CCDC148: variants seen among roughly 807,000 people sequenced by gnomAD.
CCDC148 encodes coiled-coil domain containing 148.
CCDC148 carries 89 observed loss-of-function variants against 85.7 expected under a neutral mutation model. That is an observed-to-expected ratio of 1.04 (90% CI 0.87 to 1.24). The LOEUF (loss-of-function observed/expected upper bound fraction) is 1.24, where lower values mean the gene tolerates loss of function less well. Among genes scored for constraint, CCDC148 ranks in the 50% most tolerant of loss-of-function variants. CCDC148 has a pLI of 0.00. For missense variants in CCDC148, 692 were observed against 671.7 expected (o/e 1.03, Z -0.33); for synonymous variants, 230 against 213.9 (o/e 1.08, Z -0.66).
At chr2:158,436,465 A>G (rs570472165) in intron 1 of CCDC148, among the ~76,000 whole-genome samples, 1 of 152,336 alleles carries the variant, frequency 6.6e-6, no homozygotes, top group Non-Finnish European at 1.5e-5. Flanking sequence ...TCTCTGGGAC[A>G]CATTAAAAGC....
intron 7 of CCDC148, among the ~76,000 whole-genome samples, chr2:158,315,395 C>T (rs550929133): frequency 2.0e-4 from 31 of 152,260 alleles, no homozygotes; most frequent in South Asian, 1.7e-3. Flanking sequence ...ATAAATTCTG[C>T]ATTACCATAC....
chr2:158,376,164 T>C (rs1408750333), intron 1 of CCDC148, among the ~76,000 whole-genome samples: 1 of 152,114 alleles, frequency 6.6e-6, no homozygotes, highest in African/African-American at 2.4e-5. Flanking sequence ...TCATTGCTTT[T>C]CAATAGTAGC....
At chr2:158,351,467 G>GGGTGACGATC (rs4028064) in intron 2 of CCDC148, among the ~76,000 whole-genome samples, 2 of 150,270 alleles carry the variant, frequency 1.3e-5, no homozygotes, top group Non-Finnish European at 3.0e-5. Context: ...TCAAAGAAAG[G>GGGTGACGATC]GGCACCTGGA....
chr2:158,401,657 A>G (rs952732150), intron 1 of CCDC148, among the ~76,000 whole-genome samples: 2 of 151,988 alleles, frequency 1.3e-5, no homozygotes, highest in South Asian at 2.1e-4. Context: ...AAACCTGCAC[A>G]TTGTGCTCAC....
chr2:158,188,697 A>G (rs1685272609), intron 11 of CCDC148, among the ~76,000 whole-genome samples: 1 of 152,038 alleles, frequency 6.6e-6, no homozygotes, highest in Non-Finnish European at 1.5e-5. Context: ...AGCATTTATG[A>G]CTAAGTCTTC....
rs989451647 is a variant in CCDC148 at position 158,286,549 on chromosome 2, C to T, written c.1110+22884G>A. ...TGCAAAGGTTCAAGAGTTAAAAAGA[C>T]ACTTATGAAGAAGAACAACAAGGTA... On this transcript the variant is annotated intron_variant, in intron 9 of 13. Coordinates refer to ENST00000283233, the MANE Select transcript of CCDC148 (RefSeq NM_138803.4). 1.3e-4 allele frequency among the ~76,000 whole-genome samples: 20 copies of T among 152,076 alleles called. 1 individual carries two copies. Among genetic ancestry groups the T allele is most frequent in the Admixed American group, 2.6e-4 (4 of 15,278 alleles).
intron 9 of CCDC148, among the ~76,000 whole-genome samples, chr2:158,274,331 T>C (rs958733385): frequency 8.6e-5 from 13 of 151,718 alleles, no homozygotes; most frequent in African/African-American, 2.9e-4. Flanking sequence ...CCCTGAATTT[T>C]TCCATTTTAG....
intron 11 of CCDC148, among the ~76,000 whole-genome samples, chr2:158,219,170 G>C (rs191344695): frequency 2.8e-4 from 43 of 152,286 alleles, no homozygotes; most frequent in Middle Eastern, 3.4e-3. Context: ...AGAAAGTATA[G>C]AGTTCCAGGA....
intron 1 of CCDC148, among the ~76,000 whole-genome samples, chr2:158,377,838 A>G (rs1684717530): frequency 6.6e-6 from 1 of 152,118 alleles, no homozygotes; most frequent in Non-Finnish European, 1.5e-5. Flanking sequence ...GCATGCACAT[A>G]AGAAAGCAAA....
At chr2:158,409,980 A>G (rs1254342406) in intron 1 of CCDC148, among the ~76,000 whole-genome samples, 1 of 152,190 alleles carries the variant, frequency 6.6e-6, no homozygotes, top group Non-Finnish European at 1.5e-5. Context: ...ACCACCATGT[A>G]AGATGTGCTT....
chr2:158,296,188 T>G (rs1003959991), intron 9 of CCDC148, among the ~76,000 whole-genome samples: 1 of 152,218 alleles, frequency 6.6e-6, no homozygotes, highest in Admixed American at 6.5e-5. Context: ...GTCTTCCCCA[T>G]GTTTTGTAGT....
At chr2:158,283,159 C>T (rs1306886358) in intron 9 of CCDC148, among the ~76,000 whole-genome samples, 2 of 152,158 alleles carry the variant, frequency 1.3e-5, no homozygotes. Context: ...AACGTTAGAC[C>T]TAAAACCATA....
chr2:158,247,687 C>G (rs1688623437), intron 10 of CCDC148, among the ~76,000 whole-genome samples: 1 of 152,044 alleles, frequency 6.6e-6, no homozygotes, highest in Non-Finnish European at 1.5e-5. Flanking sequence ...TGAATCCCGT[C>G]TCTACTAAAA....
chr2:158,422,638 G>A (rs1321764058), intron 1 of CCDC148, among the ~76,000 whole-genome samples: 2 of 152,060 alleles, frequency 1.3e-5, no homozygotes, highest in Non-Finnish European at 1.5e-5. Flanking sequence ...TACTGAATAG[G>A]CAAAAACTGG....
At chr2:158,361,840 G>C (rs1683961494) in intron 1 of CCDC148, among the ~76,000 whole-genome samples, 1 of 152,010 alleles carries the variant, frequency 6.6e-6, no homozygotes, top group Non-Finnish European at 1.5e-5. Context: ...CTGTAAATGG[G>C]CTAAATGCCT....
intron 11 of CCDC148, among the ~76,000 whole-genome samples, chr2:158,211,874 C>T (rs1194192216): frequency 6.6e-6 from 1 of 152,134 alleles, no homozygotes; most frequent in African/African-American, 2.4e-5. Flanking sequence ...AATTTCTTAT[C>T]CTCTCTGTCA....
At chr2:158,448,934 C>T (rs900764267) in intron 1 of CCDC148, among the ~76,000 whole-genome samples, 5 of 152,006 alleles carry the variant, frequency 3.3e-5, no homozygotes, top group African/African-American at 7.2e-5. Flanking sequence ...TTCAAGCAAT[C>T]CTCCAGCCTC....
rs550076420 is a variant in CCDC148 at position 158,277,464 on chromosome 2, T to A, written c.1111-26552A>T. Among the ~76,000 whole-genome samples, 12 of 152,374 alleles carry A rather than the reference T, an allele frequency of 7.9e-5. No individual in the cohort carries two copies. The South Asian group carries it at 2.3e-3, about 29-fold the overall frequency. The stretch of plus-strand genomic sequence containing the variant: ...TATATACTATGGTCATTTTTCTGTC[T>A]GACTCACAAATAGGGGAAATAATAG... On this transcript the variant is annotated intron_variant, in intron 9 of 13. Transcript: ENST00000283233.
intron 9 of CCDC148, among the ~76,000 whole-genome samples, chr2:158,284,457 G>T (rs1169480875): frequency 1.3e-5 from 2 of 151,598 alleles, no homozygotes; most frequent in Non-Finnish European, 2.9e-5. Flanking sequence ...TGGAAATTTG[G>T]ATAGCTACTC....
Sources: gnomAD v4.1 joint callset for allele counts (sites outside exome capture counted in the v4.1 genomes callset) on GRCh38, gnomAD v4.1.1 for gene constraint, MANE v1.5 for transcripts, NCBI Gene and HGNC (gene_info 2026-07-23, HGNC 2026-07-21) for gene names.